The following PRKDC variants were observed in gnomAD, a reference collection of about 807,000 sequenced individuals.
PRKDC encodes protein kinase, DNA-activated, catalytic subunit.
Under a neutral mutation model 486.9 loss-of-function variants are expected in PRKDC, and 82 were observed. That is an observed-to-expected ratio of 0.17 (90% CI 0.14 to 0.20). The LOEUF (loss-of-function observed/expected upper bound fraction) is 0.20. PRKDC is among the 10% of genes least tolerant of loss of function. The pLI is 1.00. For missense variants in PRKDC, 4,504 were observed against 5,038.2 expected, an observed-to-expected ratio of 0.89 and a Z score of 3.21; for synonymous variants, 1,895 against 1,837.0, an observed-to-expected ratio of 1.03 and a Z score of -0.81.
intron 74 of PRKDC, among the ~76,000 whole-genome samples, chr8:47,793,659 A>C (rs1272343027): frequency 6.7e-6 from 1 of 148,656 alleles, no homozygotes; most frequent in Non-Finnish European, 1.5e-5. Context: ...AAATAAAAAT[A>C]AAAATAAATT....
rs2086939660 is a variant in PRKDC, at chr8:47,794,307, A to G, written c.10653T>C (p.Asn3551=). 1 of 1,612,102 alleles carries G rather than the reference A, an allele frequency of 6.2e-7. No homozygotes were observed. Among genetic ancestry groups the G allele is most frequent in the African/African-American group, 1.3e-5 (1 of 74,900 alleles). ...SFKDTSTGHK[N]KEFVARIKSK... is the part of the protein sequence containing the mutation. ...TTACCTACCTTGCCACAAACTCCTT[A>G]TTCTTATGACCAGTAGAAGTATCCT... The change falls in exon 74 of 86, where the codon AAT becomes AAC. Residue 3551 remains asparagine, a synonymous_variant. Coordinates refer to ENST00000314191, the MANE Select transcript of PRKDC (RefSeq NM_006904.7).
Position 47,849,116 on chromosome 8 carries a change from G to A in PRKDC, c.7280+38C>T, listed in dbSNP as rs1431643254. 9 of 1,603,978 alleles carry A rather than the reference G, an allele frequency of 5.6e-6. 1 individual carries two copies. The Admixed American group carries it at 1.4e-4, about 24-fold the overall frequency. On this transcript the variant is annotated intron_variant, in intron 54 of 85. Coordinates refer to ENST00000314191, the MANE Select transcript of PRKDC (RefSeq NM_006904.7). The stretch of plus-strand genomic sequence containing the variant: ...GTCTTAATAAATTAACGCTTTATGA[G>A]CCAGTGGGACCCAAGAGCAGGGCTA...
intron 40 of PRKDC, among the ~76,000 whole-genome samples, chr8:47,865,258 C>T (rs552865970): frequency 3.9e-5 from 6 of 152,056 alleles, no homozygotes; most frequent in South Asian, 2.1e-4. Flanking sequence ...TGGTGGTGTG[C>T]GCCTCTAGTC....
chr8:47,815,157 A>C (rs1406680758), intron 68 of PRKDC, among the ~76,000 whole-genome samples: 1 of 152,180 alleles, frequency 6.6e-6, no homozygotes, highest in African/African-American at 2.4e-5. Flanking sequence ...AAAAAAAGAA[A>C]AGTTCGAGAA....
Position 47,849,114 on chromosome 8 carries a change from G to A in PRKDC, c.7280+40C>T, listed in dbSNP as rs376297787. On this transcript the variant is annotated intron_variant, in intron 54 of 85. Coordinates refer to ENST00000314191, the MANE Select transcript of PRKDC (RefSeq NM_006904.7). ...ACGTCTTAATAAATTAACGCTTTAT[G>A]AGCCAGTGGGACCCAAGAGCAGGGC... The A allele has an allele frequency of 6.4e-5, 102 of 1,601,046 alleles. No homozygotes were observed. The Middle Eastern group carries it at 1.3e-3, about 21-fold the overall frequency.
intron 22 of PRKDC, among the ~76,000 whole-genome samples, chr8:47,917,994 G>A (rs555694861): frequency 2.6e-5 from 4 of 152,168 alleles, no homozygotes; most frequent in South Asian, 2.1e-4. Context: ...ACAGGCATGC[G>A]CCACCACACC....
chr8:47,808,149 T>G (rs990917639), intron 68 of PRKDC, among the ~76,000 whole-genome samples: 2 of 152,188 alleles, frequency 1.3e-5, no homozygotes, highest in Non-Finnish European at 2.9e-5. Context: ...AATTTTCTTT[T>G]TTATTTTTTT....
At position 47,835,769 on chromosome 8, in the gene PRKDC, G is replaced by T. The variant is rs573003280; in HGVS notation, c.7951+569C>A. Among the ~76,000 whole-genome samples, 583 of 145,372 alleles carry T rather than the reference G, an allele frequency of 4.0e-3. 4 individuals are homozygous for T. Among genetic ancestry groups the T allele is most frequent in the South Asian group, 0.026 (118 of 4,572 alleles). On this transcript the variant is annotated intron_variant, in intron 58 of 85. Coordinates refer to ENST00000314191, the MANE Select transcript of PRKDC (RefSeq NM_006904.7). ...CTTCCATGTCCAGAGTTGCTTTTTGGTTTTTTTTTTTGAGACAGGGCCTTG... is the reference window on the plus strand; with the variant it reads ...CTTCCATGTCCAGAGTTGCTTTTTGTTTTTTTTTTTTGAGACAGGGCCTTG...
chr8:47,904,508 C>A (rs2089737644), intron 26 of PRKDC, among the ~76,000 whole-genome samples: 6 of 152,212 alleles, frequency 3.9e-5, no homozygotes, highest in Admixed American at 3.9e-4. Flanking sequence ...CATGCCTCGG[C>A]CTCCCAAAGT....
intron 69 of PRKDC, among the ~76,000 whole-genome samples, chr8:47,804,001 C>T (rs2087164370): frequency 6.6e-6 from 1 of 151,454 alleles, no homozygotes; most frequent in Non-Finnish European, 1.5e-5. Context: ...AGTATATTTA[C>T]AAAGCTGTAC....
chr8:47,850,367 A>C (rs2088374838), intron 52 of PRKDC, among the ~76,000 whole-genome samples: 3 of 152,232 alleles, frequency 2.0e-5, no homozygotes, highest in Admixed American at 1.3e-4. Context: ...TTTGAGCCTC[A>C]GCATGACACT....
At chr8:47,924,566 A>C (rs1400080942) in intron 21 of PRKDC, among the ~76,000 whole-genome samples, 1 of 151,988 alleles carries the variant, frequency 6.6e-6, no homozygotes, top group East Asian at 1.9e-4. Context: ...TCTCAAAATA[A>C]TAATAATAAT....
chr8:47,881,835 C>A (rs1278375671), intron 37 of PRKDC, 77 bp downstream of exon 37: 3 of 1,260,358 alleles, frequency 2.4e-6, no homozygotes, highest in Middle Eastern at 2.0e-4. Flanking sequence ...TTTGGAGCAA[C>A]CTCCATCAAA....
intron 21 of PRKDC, among the ~76,000 whole-genome samples, chr8:47,920,565 T>C (rs2090055078): frequency 6.6e-6 from 1 of 152,226 alleles, no homozygotes; most frequent in African/African-American, 2.4e-5. Flanking sequence ...GTGTTTTAAA[T>C]GTGCTAGATT....
At chr8:47,798,488 C>T in intron 72 of PRKDC, 91 bp from the exon 73 acceptor site, 4 of 1,347,728 alleles carry the variant, frequency 3.0e-6, no homozygotes. Flanking sequence ...CCCTTTTTGG[C>T]TTGTATTTTG....
intron 73 of PRKDC, among the ~76,000 whole-genome samples, chr8:47,795,909 T>TA (rs1491435163): frequency 8.6e-5 from 13 of 151,270 alleles, no homozygotes; most frequent in Non-Finnish European, 1.6e-4. Flanking sequence ...TTTTTTTTTT[T>TA]ATGAGACAAG....
intron 9 of PRKDC, among the ~76,000 whole-genome samples, chr8:47,943,641 C>A (rs1395562005): frequency 2.0e-5 from 3 of 152,186 alleles, no homozygotes; most frequent in Non-Finnish European, 2.9e-5. Context: ...CTGAAAGATA[C>A]CCTAAAATAA....
At chr8:47,824,414 A>T (rs936682262) in intron 63 of PRKDC, among the ~76,000 whole-genome samples, 1 of 142,568 alleles carries the variant, frequency 7.0e-6, no homozygotes, top group African/African-American at 2.6e-5. Flanking sequence ...TGGAGGTTGC[A>T]GTGAACCAAT....
chr8:47,816,850 A>C (rs1459398002), intron 68 of PRKDC, among the ~76,000 whole-genome samples: 1 of 152,152 alleles, frequency 6.6e-6, no homozygotes, highest in Non-Finnish European at 1.5e-5. Context: ...TAGTGGAGGA[A>C]ATAATGGGAG....
Sources: allele counts gnomAD v4.1 joint callset (sites outside exome capture counted in the v4.1 genomes callset), GRCh38; gene constraint gnomAD v4.1.1; transcripts MANE v1.5; gene names NCBI Gene and HGNC (gene_info 2026-07-23, HGNC 2026-07-21).